PLXDC2: variants seen among roughly 807,000 people sequenced by gnomAD.
PLXDC2 encodes plexin domain containing 2.
In PLXDC2, 40 loss-of-function variants were observed where a neutral mutation model predicts 68.9. That is an observed-to-expected ratio of 0.58 (90% CI 0.45 to 0.76). The LOEUF (loss-of-function observed/expected upper bound fraction) is 0.76. Among genes scored for constraint, PLXDC2 ranks in the 30% least tolerant of loss-of-function variants. The pLI is 0.00. For synonymous variants in PLXDC2, 243 were observed against 234.2 expected (o/e 1.04, Z -0.34); for missense variants, 644 against 661.9 (o/e 0.97, Z 0.30).
chr10:20,158,100 T>C (rs943005299), intron 6 of PLXDC2, among the ~76,000 whole-genome samples: 1 of 152,162 alleles, frequency 6.6e-6, no homozygotes, highest in African/African-American at 2.4e-5. Context: ...GAGTTTTTAT[T>C]ATTTCAGTTT....
chr10:19,981,953 C>G (rs1834558096), intron 1 of PLXDC2, among the ~76,000 whole-genome samples: 1 of 152,204 alleles, frequency 6.6e-6, no homozygotes, highest in Non-Finnish European at 1.5e-5. Context: ...CCTCCCTTTT[C>G]TTTGAGCTGG....
intron 13 of PLXDC2, among the ~76,000 whole-genome samples, chr10:20,253,123 G>A (rs1435659271): frequency 6.6e-6 from 1 of 151,948 alleles, no homozygotes. Context: ...CCAGAACATT[G>A]GGAGACCGAG....
chr10:19,951,556 A>C (rs953067616), intron 1 of PLXDC2, among the ~76,000 whole-genome samples: 4 of 152,226 alleles, frequency 2.6e-5, no homozygotes, highest in African/African-American at 9.6e-5. Context: ...GTTGGTGGGA[A>C]TATAAGTTAG....
intron 1 of PLXDC2, among the ~76,000 whole-genome samples, chr10:19,979,038 G>A (rs188366143): frequency 1.3e-5 from 2 of 152,284 alleles, no homozygotes; most frequent in East Asian, 1.9e-4. Context: ...AACGTTTCTT[G>A]ATAAAAGATC....
At chr10:20,063,494 T>C (rs926855729) in intron 3 of PLXDC2, among the ~76,000 whole-genome samples, 1 of 152,186 alleles carries the variant, frequency 6.6e-6, no homozygotes, top group African/African-American at 2.4e-5. Context: ...TTTTGGGGCA[T>C]TGACTAATTA....
rs1430363638 is a variant in PLXDC2, at chr10:19,817,029, C to A, written c.-51C>A. 1.4e-6 allele frequency: 2 copies of A among 1,420,100 alleles called. No homozygotes were observed. Among genetic ancestry groups the A allele is most frequent in the East Asian group, 2.5e-5 (1 of 40,300 alleles). 88.0% of individuals were successfully genotyped at this position (1,420,100 alleles called of 1,614,324 possible). A position where few individuals can be genotyped will look rare whatever the true frequency, so the allele number is the denominator to read the frequency against. ...TCGTGCCTATTGCATCGGGAGCCCC[C>A]GAGCACCGGCGAAGGACTGGCGGGT... On this transcript the variant is annotated 5_prime_UTR_variant, in exon 1 of 14. Coordinates refer to ENST00000377252, the MANE Select transcript of PLXDC2 (RefSeq NM_032812.9).
In PLXDC2 at chr10:19,929,398, G is replaced by A. The variant is rs536134270; in HGVS notation, c.113-72377G>A. Among the ~76,000 whole-genome samples, 10 of 152,210 alleles carry A rather than the reference G, an allele frequency of 6.6e-5. No individual in the cohort carries two copies. In the South Asian group the frequency reaches 1.5e-3, roughly 22 times the overall value. ...TGGTTTCAAAATTTCCTTTCTGCAC[G>A]TGGAGTAATTAGGTTCTGTTTCAGC... On this transcript the variant is annotated intron_variant, in intron 1 of 13. Coordinates refer to ENST00000377252, the MANE Select transcript of PLXDC2 (RefSeq NM_032812.9).
At chr10:20,274,697 T>G (rs924209333) in intron 13 of PLXDC2, among the ~76,000 whole-genome samples, 8 of 152,140 alleles carry the variant, frequency 5.3e-5, no homozygotes, top group Admixed American at 2.0e-4. Flanking sequence ...AGTTACTCTT[T>G]TTAAGGAAAA....
At chr10:20,183,518 G>C (rs548752176) in intron 9 of PLXDC2, among the ~76,000 whole-genome samples, 10 of 152,096 alleles carry the variant, frequency 6.6e-5, no homozygotes, top group African/African-American at 2.4e-4. Flanking sequence ...GACTGTTACT[G>C]TTTATTATGG....
chr10:20,252,859 TG>T (rs1835696691), intron 13 of PLXDC2, among the ~76,000 whole-genome samples: 1 of 152,208 alleles, frequency 6.6e-6, no homozygotes, highest in African/African-American at 2.4e-5. Flanking sequence ...TTTGATAAAA[TG>T]TTGCCTTTTT....
intron 9 of PLXDC2, among the ~76,000 whole-genome samples, chr10:20,192,329 A>G (rs993705078): frequency 3.3e-5 from 5 of 152,048 alleles, no homozygotes; most frequent in Admixed American, 2.0e-4. Context: ...TTACTAGCTT[A>G]TGTGTACTAA....
At chr10:20,162,410 C>T (rs1022789449) in intron 6 of PLXDC2, among the ~76,000 whole-genome samples, 1 of 152,070 alleles carries the variant, frequency 6.6e-6, no homozygotes, top group Non-Finnish European at 1.5e-5. Flanking sequence ...TCTGGTAAAG[C>T]CTTTTTCAAC....
intron 10 of PLXDC2, among the ~76,000 whole-genome samples, chr10:20,212,235 T>G (rs1319683565): frequency 2.0e-5 from 3 of 152,080 alleles, no homozygotes; most frequent in Middle Eastern, 3.2e-3. Flanking sequence ...TTCCTCTTTG[T>G]AATTCAAACA....
At chr10:19,872,608 A>G (rs941475800) in intron 1 of PLXDC2, among the ~76,000 whole-genome samples, 2 of 152,152 alleles carry the variant, frequency 1.3e-5, no homozygotes, top group Non-Finnish European at 2.9e-5. Context: ...CACCTAGACA[A>G]ATGTGGTTCG....
At chr10:19,990,747 A>G (rs1834733574) in intron 1 of PLXDC2, among the ~76,000 whole-genome samples, 1 of 152,194 alleles carries the variant, frequency 6.6e-6, no homozygotes, top group Non-Finnish European at 1.5e-5. Context: ...CAGTGTAAAT[A>G]TATGCAATCA....
At chr10:20,219,477 A>G (rs1366245343) in intron 12 of PLXDC2, among the ~76,000 whole-genome samples, 1 of 152,204 alleles carries the variant, frequency 6.6e-6, no homozygotes, top group Admixed American at 6.5e-5. Flanking sequence ...TTCTATGCAT[A>G]AAATTAGAAA....
intron 10 of PLXDC2, among the ~76,000 whole-genome samples, chr10:20,212,672 G>T (rs1401153830): frequency 6.6e-6 from 1 of 152,026 alleles, no homozygotes; most frequent in African/African-American, 2.4e-5. Flanking sequence ...ATTCATTTTT[G>T]GGGGGCATGT....
At chr10:20,253,526 G>A (rs890916517) in intron 13 of PLXDC2, among the ~76,000 whole-genome samples, 22 of 151,966 alleles carry the variant, frequency 1.4e-4, no homozygotes, top group African/African-American at 3.9e-4. Context: ...TTCATACCAC[G>A]CTTTTTAAAT....
chr10:19,955,578 A>G (rs1344558508), intron 1 of PLXDC2, among the ~76,000 whole-genome samples: 1 of 152,174 alleles, frequency 6.6e-6, no homozygotes, highest in Non-Finnish European at 1.5e-5. Flanking sequence ...TAAATGTAAT[A>G]CAGCACTTTT....
Sources: gnomAD v4.1 joint callset for allele counts (sites outside exome capture counted in the v4.1 genomes callset) on GRCh38, gnomAD v4.1.1 for gene constraint, MANE v1.5 for transcripts, NCBI Gene and HGNC (gene_info 2026-07-23, HGNC 2026-07-21) for gene names.